Variants in ASTN2 observed in about 807,000 individuals in gnomAD.
ASTN2 encodes astrotactin-2.
A neutral mutation model predicts 139.8 loss-of-function variants in ASTN2; 54 were observed. The ratio of observed to expected loss-of-function variants is 0.39; its 90% CI spans 0.31 to 0.48. The LOEUF (loss-of-function observed/expected upper bound fraction) is 0.48, where lower values mean the gene tolerates loss of function less well. ASTN2 is among the 20% of genes least tolerant of loss of function. ASTN2 has a pLI of 0.95. For missense variants in ASTN2, 1,565 were observed against 1,725.1 expected, an observed-to-expected ratio of 0.91 and a Z score of 1.64; for synonymous variants, 756 against 719.5, an observed-to-expected ratio of 1.05 and a Z score of -0.81.
intron 17 of ASTN2, among the ~76,000 whole-genome samples, chr9:116,648,141 A>T (rs1234039923): frequency 6.6e-6 from 1 of 151,836 alleles, no homozygotes; most frequent in Admixed American, 6.6e-5. Flanking sequence ...AGCTGGGATT[A>T]TAGGTGCATG....
chr9:116,565,723 T>G (rs1287899244), intron 19 of ASTN2, among the ~76,000 whole-genome samples: 1 of 151,834 alleles, frequency 6.6e-6, no homozygotes, highest in Non-Finnish European at 1.5e-5. Context: ...ACTCAAGAGA[T>G]CCACCTGTCT....
chr9:117,036,857 A>G (rs189677372), intron 6 of ASTN2, among the ~76,000 whole-genome samples: 45 of 152,298 alleles, frequency 3.0e-4, no homozygotes, highest in Admixed American at 2.7e-3. Flanking sequence ...GTTAGTATGA[A>G]AACTGCTTGT....
intron 5 of ASTN2, among the ~76,000 whole-genome samples, chr9:117,057,396 T>A (rs1839093600): frequency 6.6e-6 from 1 of 152,196 alleles, no homozygotes; most frequent in African/African-American, 2.4e-5. Context: ...GGTGGTTCCC[T>A]AAGTAACTAT....
intron 19 of ASTN2, among the ~76,000 whole-genome samples, chr9:116,609,339 T>TATATAC (rs530916589): frequency 2.8e-5 from 4 of 140,358 alleles, no homozygotes; most frequent in African/African-American, 1.1e-4. Flanking sequence ...TATATATATA[T>TATATAC]ACACACACAC....
At chr9:116,482,843 G>A (rs1053035957) in intron 20 of ASTN2, among the ~76,000 whole-genome samples, 2 of 152,208 alleles carry the variant, frequency 1.3e-5, no homozygotes, top group Non-Finnish European at 2.9e-5. Flanking sequence ...CTGAAGCCAG[G>A]GAGGTGAGGG....
intron 5 of ASTN2, among the ~76,000 whole-genome samples, chr9:117,045,860 G>A (rs1838719906): frequency 1.3e-5 from 2 of 152,088 alleles, no homozygotes; most frequent in Non-Finnish European, 2.9e-5. Flanking sequence ...ATGGTGTTGT[G>A]GTGGGGGAAA....
chr9:117,015,651 G>C (rs1020494753), intron 6 of ASTN2, among the ~76,000 whole-genome samples: 7 of 152,106 alleles, frequency 4.6e-5, no homozygotes, highest in Non-Finnish European at 1.0e-4. Context: ...TACCCATAAA[G>C]TGTGTGAATC....
intron 4 of ASTN2, among the ~76,000 whole-genome samples, chr9:117,125,710 T>A (rs1244944468): frequency 3.9e-5 from 6 of 152,054 alleles, no homozygotes; most frequent in African/African-American, 1.4e-4. Context: ...TGTACACATA[T>A]CCGTCAGGGC....
intron 13 of ASTN2, among the ~76,000 whole-genome samples, chr9:116,752,842 C>T (rs1301982167): frequency 6.6e-6 from 1 of 151,720 alleles, no homozygotes; most frequent in Non-Finnish European, 1.5e-5. Flanking sequence ...ATTGGAATAG[C>T]TAAAATCCAA....
At chr9:116,907,583 C>A (rs1434427914) in intron 10 of ASTN2, among the ~76,000 whole-genome samples, 1 of 152,190 alleles carries the variant, frequency 6.6e-6, no homozygotes, top group Non-Finnish European at 1.5e-5. Context: ...CTAGAAGTGG[C>A]TGCATTTCAG....
chr9:117,333,780 A>G (rs1192278387), intron 1 of ASTN2, among the ~76,000 whole-genome samples: 2 of 152,170 alleles, frequency 1.3e-5, no homozygotes, highest in South Asian at 2.1e-4. Flanking sequence ...CTAGGATTAC[A>G]GGCGTGATCC....
intron 20 of ASTN2, among the ~76,000 whole-genome samples, chr9:116,447,670 C>A (rs1302268636): frequency 6.6e-6 from 1 of 152,164 alleles, no homozygotes; most frequent in Non-Finnish European, 1.5e-5. Flanking sequence ...CAACGGGAAT[C>A]ATAATATTAA....
chr9:116,966,740 C>T (rs961384323), intron 10 of ASTN2, among the ~76,000 whole-genome samples: 27 of 151,502 alleles, frequency 1.8e-4, no homozygotes, highest in African/African-American at 5.1e-4. Context: ...GGAGGTACCA[C>T]GAAAATGCTA....
chr9:116,760,760 C>G (rs1829653479), intron 13 of ASTN2, among the ~76,000 whole-genome samples: 1 of 152,132 alleles, frequency 6.6e-6, no homozygotes, highest in Non-Finnish European at 1.5e-5. Flanking sequence ...AGGGAACAGA[C>G]TTGGGTGACA....
At chr9:117,007,966 G>A in intron 7 of ASTN2, 126 bp downstream of exon 7, 4 of 1,036,902 alleles carry the variant, frequency 3.9e-6, no homozygotes, top group Non-Finnish European at 5.3e-6. Flanking sequence ...TTAGATTGAT[G>A]GGCCTTCTTA....
chr9:116,628,995 C>G (rs1187244628), intron 17 of ASTN2, among the ~76,000 whole-genome samples: 1 of 152,040 alleles, frequency 6.6e-6, no homozygotes, highest in East Asian at 1.9e-4. Context: ...ATGAAGAGAA[C>G]AGACACCTAT....
intron 6 of ASTN2, among the ~76,000 whole-genome samples, chr9:117,023,383 C>G (rs1353855115): frequency 6.6e-6 from 1 of 152,158 alleles, no homozygotes; most frequent in Non-Finnish European, 1.5e-5. Flanking sequence ...CTGGAACACA[C>G]TTTCCTCTAC....
chr9:116,425,269 G>A lies in ASTN2; in HGVS notation c.*582C>T. 2.4e-6 allele frequency: 1 copy of A among 421,414 alleles called. No homozygotes were observed. Among genetic ancestry groups the A allele is most frequent in the Non-Finnish European group, 4.3e-6 (1 of 234,724 alleles). 26.1% of individuals were successfully genotyped at this position (421,414 alleles called of 1,614,324 possible). ...TTTTAATGCATGGACAGGCCTGCAG[G>A]GACTCTGGGCAGACCCACAGGTAGC... is the stretch of plus-strand genomic sequence containing the variant. On this transcript the variant is annotated 3_prime_UTR_variant, in exon 23 of 23. Transcript: ENST00000313400.
intron 1 of ASTN2, among the ~76,000 whole-genome samples, chr9:117,320,553 T>C (rs545214987): frequency 1.3e-5 from 2 of 152,286 alleles, no homozygotes; most frequent in African/African-American, 4.8e-5. Context: ...TTTCCAAAAG[T>C]CACAGAGTTG....
Sources: allele counts gnomAD v4.1 joint callset (sites outside exome capture counted in the v4.1 genomes callset), GRCh38; gene constraint gnomAD v4.1.1; transcripts MANE v1.5; gene names NCBI Gene and HGNC (gene_info 2026-07-23, HGNC 2026-07-21).